Variants in TPTE2 observed in about 807,000 individuals in gnomAD.
TPTE2 encodes the protein phosphatidylinositol 3,4,5-trisphosphate 3-phosphatase TPTE2.
In TPTE2, 53 loss-of-function variants were observed where a neutral mutation model predicts 78.6. The ratio of observed to expected loss-of-function variants is 0.67; its 90% CI spans 0.54 to 0.85. The LOEUF is 0.85. Among genes scored for constraint, TPTE2 ranks in the 40% least tolerant of loss-of-function variants. TPTE2 has a pLI of 0.00. For synonymous variants in TPTE2, 175 were observed against 206.2 expected, an observed-to-expected ratio of 0.85 and a Z score of 1.30; for missense variants, 461 against 623.0, an observed-to-expected ratio of 0.74 and a Z score of 2.77.
At chr13:19,548,847 G>A in the TPTE2 span, among the ~76,000 whole-genome samples, 64 of 144,374 alleles carry the variant, frequency 4.4e-4, 1 homozygote, top group East Asian at 0.011. Flanking sequence ...GGCCAGGTGC[G>A]GTGACTTACT....
At chr13:19,552,195 G>C in the TPTE2 span, among the ~76,000 whole-genome samples, 1 of 152,200 alleles carries the variant, frequency 6.6e-6, no homozygotes, top group Non-Finnish European at 1.5e-5. Flanking sequence ...GAGACTTTAA[G>C]AGTTGTAATG....
upstream of TPTE2, among the ~76,000 whole-genome samples, chr13:19,505,182 C>T (rs1483205104): frequency 1.3e-5 from 2 of 151,936 alleles, no homozygotes; most frequent in Admixed American, 1.3e-4. Flanking sequence ...TCACTCTCAT[C>T]GAGGCTGGAG....
At chr13:19,514,590 A>AGTGTGTGTGTGTGTGTGTGTGT (rs1282304990) in intron 1 of TPTE2, among the ~76,000 whole-genome samples, 1 of 18,656 alleles carries the variant, frequency 5.4e-5, no homozygotes, top group East Asian at 3.7e-3. Flanking sequence ...AGTACTTCTG[A>AGTGTGTGTGTGTGTGTGTGTGT]GAGTGTGTGT....
At chr13:19,506,586 A>G (rs1406291986), upstream of TPTE2, among the ~76,000 whole-genome samples, 3 of 152,308 alleles carry the variant, frequency 2.0e-5, no homozygotes, top group South Asian at 4.1e-4. Flanking sequence ...AGATACAAAC[A>G]TAATTTGGAC....
intron 18 of TPTE2, 125 bp downstream of exon 21, chr13:19,426,300 T>C: frequency 1.4e-6 from 1 of 703,994 alleles, no homozygotes; most frequent in Non-Finnish European, 2.6e-6. Flanking sequence ...AAATTTGTTA[T>C]AGATCTGATT....
At chr13:19,491,697 T>C (rs1593393606) in intron 3 of TPTE2, among the ~76,000 whole-genome samples, 1 of 152,026 alleles carries the variant, frequency 6.6e-6, no homozygotes. Flanking sequence ...TGGTGGCACA[T>C]GACTGCAGTC....
At position 19,475,695 on chromosome 13, in the gene TPTE2, C is replaced by A. The variant is rs190948227; in HGVS notation, c.180-72G>T. 2.7e-4 allele frequency: 394 copies of A among 1,450,352 alleles called. No homozygotes were observed. The African/African-American group carries it at 4.1e-3, about 15-fold the overall frequency. 89.8% of individuals were successfully genotyped at this position (1,450,352 alleles called of 1,614,324 possible). On this transcript the variant is annotated intron_variant, in intron 4 of 19. Transcript: ENST00000400230. ...TGTAAATTTAACCAAAAAACAAAGG[C>A]CTTTATAAATATAATTTTAAAAGAA...
intron 6 of TPTE2, among the ~76,000 whole-genome samples, chr13:19,470,499 G>C (rs1463302560): frequency 3.3e-5 from 5 of 151,760 alleles, no homozygotes; most frequent in African/African-American, 1.2e-4. Context: ...TTTGGTTTTG[G>C]TTTTTGGGTT....
At chr13:19,550,413 T>C in the TPTE2 span, among the ~76,000 whole-genome samples, 2 of 152,310 alleles carry the variant, frequency 1.3e-5, no homozygotes, top group Middle Eastern at 3.4e-3. Context: ...TCCCAGATAA[T>C]ACATACTATC....
At chr13:19,448,931 A>T (rs1216957120) in intron 13 of TPTE2, among the ~76,000 whole-genome samples, 1 of 152,248 alleles carries the variant, frequency 6.6e-6, no homozygotes, top group Non-Finnish European at 1.5e-5. Context: ...AATATGTGGT[A>T]TATATAAATA....
intron 10 of TPTE2, chr13:19,458,390 G>C (rs1214157766): frequency 7.7e-6 from 3 of 391,714 alleles, no homozygotes; most frequent in South Asian, 6.4e-5. Context: ...GTATAAGGCA[G>C]TGGCCAATTA....
intron 1 of TPTE2, among the ~76,000 whole-genome samples, chr13:19,510,189 G>T (rs1008212730): frequency 6.6e-6 from 1 of 152,140 alleles, no homozygotes; most frequent in Non-Finnish European, 1.5e-5. Context: ...TACATAAAGC[G>T]ATAGTCCAAA....
At chr13:19,558,097 T>A in the TPTE2 span, among the ~76,000 whole-genome samples, 2 of 152,244 alleles carry the variant, frequency 1.3e-5, no homozygotes, top group African/African-American at 2.4e-5. Context: ...TTATAAAATG[T>A]CTAGACTGCT....
At chr13:19,437,992 C>T in intron 14 of TPTE2, 100 bp downstream of exon 17, 1 of 1,491,662 alleles carries the variant, frequency 6.7e-7, no homozygotes. Context: ...TTTTACTAAG[C>T]ACCATGACTC....
intron 1 of TPTE2, among the ~76,000 whole-genome samples, chr13:19,522,288 C>G (rs908757791): frequency 1.3e-5 from 2 of 152,174 alleles, no homozygotes; most frequent in African/African-American, 2.4e-5. Context: ...AGAGAAGCCA[C>G]AGTGTGCTTC....
intron 3 of TPTE2, among the ~76,000 whole-genome samples, chr13:19,491,552 G>A (rs955800004): frequency 6.6e-6 from 1 of 152,066 alleles, no homozygotes; most frequent in Non-Finnish European, 1.5e-5. Flanking sequence ...TTAGCCAGGC[G>A]CAGTGGCTCA....
intron 9 of TPTE2, 78 bp downstream of exon 12, chr13:19,465,177 T>TC (rs1879183301): frequency 1.3e-6 from 2 of 1,548,940 alleles, no homozygotes; most frequent in South Asian, 2.2e-5. Context: ...AATGAATGTG[T>TC]CTTAGATGAG....
At chr13:19,538,406 G>A (rs1486196185), upstream of TPTE2, among the ~76,000 whole-genome samples, 1 of 152,018 alleles carries the variant, frequency 6.6e-6, no homozygotes. Context: ...ATTTTTAGTA[G>A]AGACAGGGTT....
At chr13:19,462,137 T>C (rs1395017216) in intron 10 of TPTE2, among the ~76,000 whole-genome samples, 3 of 152,062 alleles carry the variant, frequency 2.0e-5, no homozygotes, top group Non-Finnish European at 4.4e-5. Context: ...TCATTTTCTG[T>C]AGCAACAAAG....
Sources: allele counts gnomAD v4.1 joint callset (sites outside exome capture counted in the v4.1 genomes callset), GRCh38; gene constraint gnomAD v4.1.1; transcripts MANE v1.5; gene names NCBI Gene and HGNC (gene_info 2026-07-23, HGNC 2026-07-21).